AKAIN1: variants seen among roughly 807,000 people sequenced by gnomAD.
The protein encoded by AKAIN1 is A-kinase anchor inhibitor 1.
AKAIN1 carries 3 observed loss-of-function variants against 3.7 expected under a neutral mutation model. That is an observed-to-expected ratio of 0.82 (90% CI 0.37 to 2.12). AKAIN1 has a LOEUF of 2.12. AKAIN1 is among the 30% of genes most tolerant of loss of function. The pLI, the probability that AKAIN1 is intolerant of heterozygous loss-of-function variation, is 0.06. For missense variants in AKAIN1, 82 were observed against 82.7 expected (o/e 0.99, Z 0.03); for synonymous variants, 31 against 30.8 (o/e 1.01, Z -0.02).
chr18:5,159,616 A>G (rs1380071963), intron 1 of AKAIN1, among the ~76,000 whole-genome samples: 1 of 152,166 alleles, frequency 6.6e-6, no homozygotes, highest in African/African-American at 2.4e-5. Context: ...CAATGACAAC[A>G]CTGTCATTGT....
At chr18:5,192,055 A>G (rs1181251338) in intron 1 of AKAIN1, among the ~76,000 whole-genome samples, 1 of 152,208 alleles carries the variant, frequency 6.6e-6, no homozygotes, top group Middle Eastern at 3.2e-3. Flanking sequence ...GCGTCATGTC[A>G]GTGCTCAAAA....
intron 1 of AKAIN1, among the ~76,000 whole-genome samples, chr18:5,163,226 G>A (rs1037859209): frequency 1.3e-5 from 2 of 152,030 alleles, no homozygotes; most frequent in African/African-American, 4.8e-5. Flanking sequence ...CCTTTTCCAT[G>A]TACTTAACCA....
rs1216508790 is a variant in AKAIN1 at position 5,143,028 on chromosome 18, A to C, written c.*2534T>G. Among the ~76,000 whole-genome samples the C allele has an allele frequency of 6.6e-6, 1 of 152,206 alleles. No individual in the cohort carries two copies. Among genetic ancestry groups the C allele is most frequent in the Non-Finnish European group, 1.5e-5 (1 of 68,040 alleles). On this transcript the variant is annotated 3_prime_UTR_variant, in exon 2 of 2. Coordinates refer to ENST00000434239, the MANE Select transcript of AKAIN1 (RefSeq NM_001145194.2). ...AGGCAACAGAGAAGACGAACAGCTG[A>C]ACACACAGAGATGGGAAGCCTGTGT...
intron 1 of AKAIN1, among the ~76,000 whole-genome samples, chr18:5,163,165 A>G (rs2143334034): frequency 6.6e-6 from 1 of 152,068 alleles, no homozygotes; most frequent in South Asian, 2.1e-4. Context: ...TATTTAATTA[A>G]TGGGCACAAC....
chr18:5,174,918 G>A (rs1012680381), intron 1 of AKAIN1, among the ~76,000 whole-genome samples: 1 of 152,032 alleles, frequency 6.6e-6, no homozygotes, highest in African/African-American at 2.4e-5. Flanking sequence ...CTGATTTGAG[G>A]GACTATCCTG....
intron 1 of AKAIN1, among the ~76,000 whole-genome samples, chr18:5,152,037 G>A (rs2071082660): frequency 6.6e-6 from 1 of 152,142 alleles, no homozygotes; most frequent in Admixed American, 6.5e-5. Flanking sequence ...TTATAATTGG[G>A]AGCTATGTCA....
At chr18:5,149,683 G>A (rs1214991784) in intron 1 of AKAIN1, among the ~76,000 whole-genome samples, 1 of 152,104 alleles carries the variant, frequency 6.6e-6, no homozygotes, top group African/African-American at 2.4e-5. Context: ...CCTTCCCTCT[G>A]AGGTCATTCC....
chr18:5,187,675 G>C (rs2071295329), intron 1 of AKAIN1, among the ~76,000 whole-genome samples: 1 of 152,112 alleles, frequency 6.6e-6, no homozygotes, highest in Non-Finnish European at 1.5e-5. Flanking sequence ...TAATGTGGTT[G>C]TTACAATGGC....
At chr18:5,156,139 G>T (rs549203293) in intron 1 of AKAIN1, among the ~76,000 whole-genome samples, 1 of 152,070 alleles carries the variant, frequency 6.6e-6, no homozygotes, top group Non-Finnish European at 1.5e-5. Flanking sequence ...AATATTTAAC[G>T]AAAGATTCTC....
At chr18:5,146,442 G>T (rs2071049707) in intron 1 of AKAIN1, among the ~76,000 whole-genome samples, 1 of 152,122 alleles carries the variant, frequency 6.6e-6, no homozygotes, top group Admixed American at 6.5e-5. Context: ...TTTCCTTTCT[G>T]TTTAATCCAA....
At chr18:5,152,220 C>G (rs1007292067) in intron 1 of AKAIN1, among the ~76,000 whole-genome samples, 1 of 152,198 alleles carries the variant, frequency 6.6e-6, no homozygotes, top group Non-Finnish European at 1.5e-5. Context: ...CCAGTGCATC[C>G]TGTTGTTCCT....
intron 1 of AKAIN1, among the ~76,000 whole-genome samples, chr18:5,158,495 C>A (rs566321434): frequency 6.6e-6 from 1 of 152,206 alleles, no homozygotes; most frequent in Admixed American, 6.5e-5. Flanking sequence ...TCTGCCATCT[C>A]CTAGCTTCTT....
At chr18:5,169,105 G>A (rs977840883) in intron 1 of AKAIN1, among the ~76,000 whole-genome samples, 1 of 152,006 alleles carries the variant, frequency 6.6e-6, no homozygotes, top group African/African-American at 2.4e-5. Context: ...TCTTGAGCCT[G>A]AATTCCTCAG....
chr18:5,169,413 G>A (rs1359261451), intron 1 of AKAIN1, among the ~76,000 whole-genome samples: 1 of 152,022 alleles, frequency 6.6e-6, no homozygotes, highest in Non-Finnish European at 1.5e-5. Flanking sequence ...TTCACAGCAA[G>A]GACAGCAAAT....
chr18:5,182,829 T>C (rs1267714950), intron 1 of AKAIN1, among the ~76,000 whole-genome samples: 1 of 152,104 alleles, frequency 6.6e-6, no homozygotes, highest in Non-Finnish European at 1.5e-5. Flanking sequence ...GACAGCAGCA[T>C]CCAGGAGTAC....
chr18:5,163,229 C>G (rs949087531), intron 1 of AKAIN1, among the ~76,000 whole-genome samples: 1 of 152,020 alleles, frequency 6.6e-6, no homozygotes, highest in African/African-American at 2.4e-5. Flanking sequence ...TTTCCATGTA[C>G]TTAACCAGCT....
intron 1 of AKAIN1, among the ~76,000 whole-genome samples, chr18:5,185,696 A>G (rs1446683508): frequency 6.6e-6 from 1 of 152,098 alleles, no homozygotes; most frequent in Admixed American, 6.6e-5. Context: ...AAAATAACAG[A>G]TGCTGGTGAG....
intron 1 of AKAIN1, among the ~76,000 whole-genome samples, chr18:5,158,909 T>C (rs2071123422): frequency 2.0e-5 from 3 of 152,200 alleles, no homozygotes; most frequent in South Asian, 2.1e-4. Flanking sequence ...GGTGAAAACA[T>C]CTGATTAATT....
chr18:5,188,162 T>G (rs2071298231), intron 1 of AKAIN1, among the ~76,000 whole-genome samples: 1 of 152,118 alleles, frequency 6.6e-6, no homozygotes, highest in Non-Finnish European at 1.5e-5. Flanking sequence ...CTCAAGGCTT[T>G]GGACAACCTT....
Sources: gnomAD v4.1 joint callset for allele counts (sites outside exome capture counted in the v4.1 genomes callset) on GRCh38, gnomAD v4.1.1 for gene constraint, MANE v1.5 for transcripts, NCBI Gene and HGNC (gene_info 2026-07-23, HGNC 2026-07-21) for gene names.